Variants in LARP6 observed in about 807,000 individuals in gnomAD.
LARP6 encodes La ribonucleoprotein 6, translational regulator, also known as la-related protein 6.
A neutral mutation model predicts 32.8 loss-of-function variants in LARP6; 18 were observed. The ratio of observed to expected loss-of-function variants is 0.55; its 90% CI spans 0.38 to 0.81. The LOEUF is 0.81. Ranked by LOEUF, LARP6 falls within the 40% of genes least tolerant of loss-of-function variation. The pLI is 0.00. For missense variants in LARP6, 598 were observed against 663.1 expected (o/e 0.90, Z 1.08); for synonymous variants, 289 against 267.2 (o/e 1.08, Z -0.80).
chr15:70,850,027 G>A (rs977310289), intron 1 of LARP6, among the ~76,000 whole-genome samples: 7 of 152,122 alleles, frequency 4.6e-5, no homozygotes, highest in African/African-American at 1.7e-4. Context: ...ACCAACTTAG[G>A]TAAGGATCAT....
chr15:70,851,005 G>A (rs957424621), intron 1 of LARP6, among the ~76,000 whole-genome samples: 2 of 152,170 alleles, frequency 1.3e-5, no homozygotes, highest in African/African-American at 2.4e-5. Context: ...ATTCTGGTTT[G>A]AGGGGAAAAA....
At chr15:70,843,104 C>G (rs1194595402) in intron 1 of LARP6, among the ~76,000 whole-genome samples, 1 of 152,094 alleles carries the variant, frequency 6.6e-6, no homozygotes, top group Non-Finnish European at 1.5e-5. Context: ...TTCCAACCCA[C>G]CCCCCAACTA....
intron 1 of LARP6, among the ~76,000 whole-genome samples, chr15:70,841,085 T>C (rs1287809643): frequency 6.6e-6 from 1 of 152,088 alleles, no homozygotes; most frequent in Non-Finnish European, 1.5e-5. Flanking sequence ...GGCTAATTTT[T>C]TGTATTTTTA....
At chr15:70,851,735 C>T (rs1567024360) in intron 1 of LARP6, 1 of 1,613,926 alleles carries the variant, frequency 6.2e-7, no homozygotes. Flanking sequence ...GAGGGAGACA[C>T]AATGATAGAA....
Position 70,832,115 on chromosome 15 carries a change from C to A in LARP6, c.1413G>T (p.Leu471Phe). 1.9e-6 allele frequency: 3 copies of A among 1,586,544 alleles called. No individual in the cohort carries two copies. The highest frequency in any genetic ancestry group is 2.6e-6 in the Non-Finnish European group (3 of 1,166,674). The change falls in exon 3 of 3, where the codon TTG (leucine) becomes TTT (phenylalanine). Residue 471 changes from leucine to phenylalanine, a missense_variant. Leu to Phe is a conservative substitution (Grantham distance 22). This residue lies in a region of LARP6 where 368 missense variants were observed against 397.9 expected (regional missense o/e 0.92). Transcript: ENST00000299213. Reference protein sequence around the residue: ...ADGLPVGVLRLPRGPDNTRGF... With the variant: ...ADGLPVGVLRFPRGPDNTRGF... ...CTCTGGTGTTGTCAGGACCCCTGGG[C>A]AACCTCAGCACCCCTACGGGTAGCC...
intron 1 of LARP6, chr15:70,851,738 T>G (rs750989170): frequency 5.5e-5 from 88 of 1,613,848 alleles, no homozygotes; most frequent in Non-Finnish European, 6.7e-5. Context: ...GGAGACACAA[T>G]GATAGAATCA....
At chr15:70,844,746 T>G (rs1266536888) in intron 1 of LARP6, among the ~76,000 whole-genome samples, 1 of 152,240 alleles carries the variant, frequency 6.6e-6, no homozygotes, top group African/African-American at 2.4e-5. Context: ...TTTTAAATTT[T>G]AGTAGTTATT....
At chr15:70,834,851 T>C (rs1270380421) in intron 2 of LARP6, among the ~76,000 whole-genome samples, 1 of 152,270 alleles carries the variant, frequency 6.6e-6, no homozygotes, top group Non-Finnish European at 1.5e-5. Flanking sequence ...ACCTTTGTCA[T>C]GTATGTTCCC....
chr15:70,849,544 G>A (rs966584571), intron 1 of LARP6: 2 of 152,182 alleles, frequency 1.3e-5, no homozygotes, highest in African/African-American at 4.8e-5. Context: ...GGAAATGGCT[G>A]AATTCCATGA....
chr15:70,842,864 G>A (rs1415295917), intron 1 of LARP6, among the ~76,000 whole-genome samples: 2 of 152,166 alleles, frequency 1.3e-5, no homozygotes, highest in African/African-American at 4.8e-5. Flanking sequence ...TCCACCCTCT[G>A]CATGAGTGCT....
intron 1 of LARP6, among the ~76,000 whole-genome samples, chr15:70,844,755 T>C (rs1243938482): frequency 6.6e-6 from 1 of 152,214 alleles, no homozygotes; most frequent in African/African-American, 2.4e-5. Context: ...TTAGTAGTTA[T>C]TTATTTAGTT....
At position 70,832,495 on chromosome 15, in the gene LARP6, T is replaced by C; in HGVS notation, c.1033A>G (p.Asn345Asp). 6.5e-7 allele frequency: 1 copy of C among 1,544,924 alleles called. No individual in the cohort carries two copies. The highest frequency in any genetic ancestry group is 1.4e-5 in the African/African-American group (1 of 72,524). The change falls in exon 3 of 3, where the codon AAC becomes GAC. Residue 345 changes from asparagine to aspartate, a missense_variant. By Grantham distance (23) the Asn-to-Asp change is conservative. Around this residue, in one of 3 missense-constraint regions of LARP6, gnomAD observed 368 missense variants for 397.9 expected, o/e 0.92. Transcript: ENST00000299213. ...CGGCCCGCCATAGGGGATGTGGGGT[T>C]GCTCTCGGGGTCAGAGGAGCTGTTG... ...SANSSSDPES[N>D]PTSPMAGRRH...
chr15:70,846,886 A>T (rs2032357659), intron 1 of LARP6, among the ~76,000 whole-genome samples: 1 of 152,182 alleles, frequency 6.6e-6, no homozygotes, highest in Non-Finnish European at 1.5e-5. Flanking sequence ...AATTCTAGTC[A>T]CACATTAAGG....
chr15:70,845,944 A>G (rs933883589), intron 1 of LARP6, among the ~76,000 whole-genome samples: 1 of 152,242 alleles, frequency 6.6e-6, no homozygotes, highest in Non-Finnish European at 1.5e-5. Context: ...AGCTCATTCA[A>G]TTCCTTTAGA....
intron 1 of LARP6, among the ~76,000 whole-genome samples, chr15:70,847,638 G>A (rs575879990): frequency 6.6e-6 from 1 of 152,154 alleles, no homozygotes; most frequent in South Asian, 2.1e-4. Context: ...CAAAGTGCTG[G>A]GATTACAGGT....
intron 1 of LARP6, among the ~76,000 whole-genome samples, chr15:70,837,589 T>C (rs2032171638): frequency 6.6e-6 from 1 of 152,210 alleles, no homozygotes; most frequent in South Asian, 2.1e-4. Context: ...AATAAAAGCT[T>C]GATTTCTTAG....
At position 70,831,784 on chromosome 15, in the gene LARP6, C is replaced by T; in HGVS notation, c.*268G>A. ...CTTCCCCCAGGGAACCTCCGTCCTA[C>T]AGCCCTTCAGGGCCATCACACTCAC... On this transcript the variant is annotated 3_prime_UTR_variant, in exon 3 of 3. Coordinates refer to ENST00000299213, the MANE Select transcript of LARP6 (RefSeq NM_018357.4). The T allele has an allele frequency of 6.6e-6, 2 of 302,182 alleles. No individual in the cohort carries two copies. The highest frequency in any genetic ancestry group is 5.4e-5 in the East Asian group (1 of 18,460). 18.7% of individuals were successfully genotyped at this position (302,182 alleles called of 1,614,324 possible). A position where few individuals can be genotyped will look rare whatever the true frequency, so the allele number is the denominator to read the frequency against.
chr15:70,840,234 T>C (rs2032226977), intron 1 of LARP6, among the ~76,000 whole-genome samples: 1 of 152,180 alleles, frequency 6.6e-6, no homozygotes, highest in Admixed American at 6.5e-5. Flanking sequence ...ATCGCCTAAA[T>C]AGTAGTTAAA....
chr15:70,841,732 T>A (rs1306783231), intron 1 of LARP6, among the ~76,000 whole-genome samples: 1 of 152,060 alleles, frequency 6.6e-6, no homozygotes, highest in Non-Finnish European at 1.5e-5. Flanking sequence ...TGATGTGATG[T>A]GTCTGTTCTC....
Sources: gnomAD v4.1 joint callset for allele counts (sites outside exome capture counted in the v4.1 genomes callset) on GRCh38, gnomAD v4.1.1 for gene constraint, gnomAD v4.1.1 regional missense constraint, MANE v1.5 for transcripts, NCBI Gene and HGNC (gene_info 2026-07-23, HGNC 2026-07-21) for gene names.